The following FOXN2 variants were observed in gnomAD, a reference collection of about 807,000 sequenced individuals.
FOXN2 encodes the protein forkhead box protein N2.
Under a neutral mutation model 41.2 loss-of-function variants are expected in FOXN2, and 19 were observed. The ratio of observed to expected loss-of-function variants is 0.46; its 90% CI spans 0.32 to 0.68. FOXN2 has a LOEUF of 0.68. Ranked by LOEUF, FOXN2 falls within the 30% of genes least tolerant of loss-of-function variation. The probability of loss-of-function intolerance (pLI) is 0.03; values close to 1 mark genes in which losing one functional copy is unlikely to be tolerated. For synonymous variants in FOXN2, 195 were observed against 176.8 expected (o/e 1.10, Z -0.82); for missense variants, 587 against 509.4 (o/e 1.15, Z -1.47).
At chr2:48,340,350 T>G (rs1670664305) in intron 2 of FOXN2, among the ~76,000 whole-genome samples, 1 of 152,188 alleles carries the variant, frequency 6.6e-6, no homozygotes, top group Admixed American at 6.5e-5. Flanking sequence ...AATACCAACC[T>G]AAGCAAAAAT....
intron 3 of FOXN2, among the ~76,000 whole-genome samples, chr2:48,353,552 CTG>C (rs57528113): frequency 0.082 from 10,535 of 128,516 alleles, 458 homozygotes; most frequent in Admixed American, 0.13. Flanking sequence ...TCACTTAAGA[CTG>C]TGTGTGTGTG....
intron 3 of FOXN2, among the ~76,000 whole-genome samples, chr2:48,357,377 A>AT (rs1294720686): frequency 6.6e-6 from 1 of 152,352 alleles, no homozygotes; most frequent in East Asian, 1.9e-4. Flanking sequence ...AAGGTAGAGC[A>AT]TGGCTAGCAT....
chr2:48,356,601 G>T (rs1183798858), intron 3 of FOXN2, among the ~76,000 whole-genome samples: 1 of 152,056 alleles, frequency 6.6e-6, no homozygotes, highest in South Asian at 2.1e-4. Context: ...TAATTCAGAG[G>T]TTCTAAAAGC....
chr2:48,360,448 T>TA (rs1352132460), intron 4 of FOXN2, among the ~76,000 whole-genome samples: 1 of 152,194 alleles, frequency 6.6e-6, no homozygotes, highest in Non-Finnish European at 1.5e-5. Flanking sequence ...TTTGAATTCT[T>TA]AAAGTATTGT....
intron 3 of FOXN2, among the ~76,000 whole-genome samples, chr2:48,350,574 T>C (rs1205829556): frequency 6.6e-6 from 1 of 152,252 alleles, no homozygotes; most frequent in Non-Finnish European, 1.5e-5. Flanking sequence ...GGTTTGTGTC[T>C]GTCCTACACC....
chr2:48,359,954 T>C (rs948650029), intron 4 of FOXN2, among the ~76,000 whole-genome samples: 4 of 152,172 alleles, frequency 2.6e-5, no homozygotes, highest in African/African-American at 9.6e-5. Context: ...TTTAGGTTTT[T>C]TTCGTAGTAC....
At chr2:48,320,678 A>G (rs1041380235) in intron 1 of FOXN2, among the ~76,000 whole-genome samples, 1 of 152,236 alleles carries the variant, frequency 6.6e-6, no homozygotes, top group African/African-American at 2.4e-5. Flanking sequence ...CTGGGTATTT[A>G]CCCAAATCTC....
chr2:48,333,501 A>G (rs926714041), intron 2 of FOXN2, among the ~76,000 whole-genome samples: 2 of 152,152 alleles, frequency 1.3e-5, no homozygotes, highest in African/African-American at 2.4e-5. Flanking sequence ...TAAACCACAG[A>G]TAGACAAAAA....
Position 48,343,239 on chromosome 2 carries a change from T to A in FOXN2, c.-14-2962T>A, listed in dbSNP as rs142191086. Among the ~76,000 whole-genome samples the A allele has an allele frequency of 1.3e-4, 20 of 152,344 alleles. No homozygotes were observed. The East Asian group carries it at 3.9e-3, about 29-fold the overall frequency. ...GGCTTACTTCATTTCCATTTCCTTA[T>A]TAACAATGAATTTCAGTTTTTTTTA... On this transcript the variant is annotated intron_variant, in intron 2 of 6. Transcript: ENST00000340553.
intron 1 of FOXN2, among the ~76,000 whole-genome samples, chr2:48,317,322 G>A (rs1483176966): frequency 6.6e-6 from 1 of 151,920 alleles, no homozygotes; most frequent in Non-Finnish European, 1.5e-5. Context: ...CGTGGGGCAT[G>A]CCTGTAGTCC....
intron 3 of FOXN2, among the ~76,000 whole-genome samples, chr2:48,347,141 T>C (rs1671157484): frequency 6.6e-6 from 1 of 151,922 alleles, no homozygotes; most frequent in Non-Finnish European, 1.5e-5. Context: ...CACCTTGCTA[T>C]TTATTTGATT....
At position 48,346,511 on chromosome 2, in the gene FOXN2, T is replaced by C. The variant is rs1487996503; in HGVS notation, c.297T>C (p.Ala99=). 5 of 1,613,914 alleles carry C rather than the reference T, an allele frequency of 3.1e-6. No individual in the cohort carries two copies. The highest frequency in any genetic ancestry group is 1.6e-4 in the Middle Eastern group (1 of 6,084). ...EGDDVPSFGP[A]CYQNPEKKSA... is the part of the protein sequence containing the mutation. ...ATGATGTGCCATCCTTTGGACCAGC[T>C]TGCTACCAGAACCCAGAAAAAAAAT... The change falls in exon 3 of 7, where the codon GCT becomes GCC. Residue 99 remains alanine (A), a synonymous_variant. Transcript: ENST00000340553.
At chr2:48,320,690 C>G (rs1669250738) in intron 1 of FOXN2, among the ~76,000 whole-genome samples, 1 of 152,014 alleles carries the variant, frequency 6.6e-6, no homozygotes, top group Non-Finnish European at 1.5e-5. Context: ...CCAAATCTCT[C>G]AGACTTGAAA....
At position 48,346,589 on chromosome 2, in the gene FOXN2, T is replaced by TGAGC; in HGVS notation, c.376_379dup (p.His127ArgfsTer6). The TGAGC allele has an allele frequency of 6.2e-7, 1 of 1,614,084 alleles. No individual in the cohort carries two copies. The highest frequency in any genetic ancestry group is 8.5e-7 in the Non-Finnish European group (1 of 1,179,982). On this transcript the variant is annotated frameshift_variant, in exon 3 of 7. Coordinates refer to ENST00000340553, the MANE Select transcript of FOXN2 (RefSeq NM_002158.4). LOFTEE classifies it high-confidence loss of function. ...TTAGTCTTCTCATTTATATGGCCAT[T>TGAGC]GAGCACTCTCCAAATAAATGTTTGC... is the stretch of plus-strand genomic sequence containing the variant.
intron 2 of FOXN2, among the ~76,000 whole-genome samples, chr2:48,334,481 C>T (rs942280734): frequency 1.4e-5 from 2 of 143,784 alleles, no homozygotes; most frequent in African/African-American, 5.0e-5. Flanking sequence ...CTAATGTAAA[C>T]ATCTGTTTCC....
intron 1 of FOXN2, among the ~76,000 whole-genome samples, chr2:48,324,574 G>C (rs967401627): frequency 6.6e-6 from 1 of 152,092 alleles, no homozygotes; most frequent in Non-Finnish European, 1.5e-5. Flanking sequence ...ACTTGATGTG[G>C]TATGATTTGG....
chr2:48,372,736 A>G (rs918515578), intron 5 of FOXN2, among the ~76,000 whole-genome samples: 9 of 152,126 alleles, frequency 5.9e-5, no homozygotes, highest in Non-Finnish European at 1.3e-4. Flanking sequence ...AGGCTTGTGT[A>G]TAATCATGAC....
intron 4 of FOXN2, among the ~76,000 whole-genome samples, chr2:48,359,957 C>A (rs1045960504): frequency 6.6e-6 from 1 of 151,748 alleles, no homozygotes; most frequent in African/African-American, 2.4e-5. Context: ...AGGTTTTTTT[C>A]GTAGTACTTA....
At chr2:48,366,533 T>A (rs1672549129) in intron 5 of FOXN2, among the ~76,000 whole-genome samples, 1 of 152,148 alleles carries the variant, frequency 6.6e-6, no homozygotes, top group Non-Finnish European at 1.5e-5. Flanking sequence ...GTAGATGTGG[T>A]CATTTGCGTG....
Sources: gnomAD v4.1 joint callset for allele counts (sites outside exome capture counted in the v4.1 genomes callset) on GRCh38, gnomAD v4.1.1 for gene constraint, MANE v1.5 for transcripts, NCBI Gene and HGNC (gene_info 2026-07-23, HGNC 2026-07-21) for gene names.